The following RANBP10 variants were observed in gnomAD, a reference collection of about 807,000 sequenced individuals.
RANBP10 encodes the protein RAN binding protein 10.
A neutral mutation model predicts 72.8 loss-of-function variants in RANBP10; 24 were observed. The observed-to-expected ratio is 0.33, with a 90% CI of 0.24 to 0.46. The LOEUF (loss-of-function observed/expected upper bound fraction) is 0.46, where lower values mean the gene tolerates loss of function less well. Ranked by LOEUF, RANBP10 falls within the 20% of genes least tolerant of loss-of-function variation. The pLI is 1.00. For synonymous variants in RANBP10, 310 were observed against 322.3 expected (o/e 0.96, Z 0.41); for missense variants, 679 against 817.5 (o/e 0.83, Z 2.07).
intron 5 of RANBP10, 144 bp downstream of exon 5, chr16:67,737,868 TG>T: frequency 9.1e-7 from 1 of 1,104,124 alleles, no homozygotes; most frequent in Non-Finnish European, 1.3e-6. Flanking sequence ...GTGCCCCTCC[TG>T]GTACCCTCAA....
In RANBP10 at chr16:67,732,276, T is replaced by C. The variant is rs577070600; in HGVS notation, c.777-692A>G. 2.6e-5 allele frequency among the ~76,000 whole-genome samples: 4 copies of C among 152,268 alleles called. No individual in the cohort carries two copies. In the East Asian group the frequency reaches 5.8e-4, roughly 22 times the overall value. ...AGCAGGGCCAATGGGAACACAGTCA[T>C]TGGGAAATGGTCTGGAGAAGTCTGA... On this transcript the variant is annotated intron_variant, in intron 6 of 13. Coordinates refer to ENST00000317506, the MANE Select transcript of RANBP10 (RefSeq NM_020850.3).
chr16:67,785,860 AC>A (rs2143016635), intron 2 of RANBP10, among the ~76,000 whole-genome samples: 1 of 151,588 alleles, frequency 6.6e-6, no homozygotes, highest in East Asian at 1.9e-4. Context: ...CCCCGTCTCT[AC>A]TAAAAATACA....
At chr16:67,803,381 T>C (rs568463123) in intron 2 of RANBP10, among the ~76,000 whole-genome samples, 1 of 151,804 alleles carries the variant, frequency 6.6e-6, no homozygotes, top group Non-Finnish European at 1.5e-5. Context: ...CTGGGTGCGG[T>C]GGCCCACACC....
At chr16:67,734,810 G>A (rs1243305497) in intron 6 of RANBP10, 48 bp downstream of exon 6, 3 of 1,492,904 alleles carry the variant, frequency 2.0e-6, no homozygotes, top group Non-Finnish European at 2.7e-6. Flanking sequence ...AGAGTGAAGT[G>A]GGCTGGGGTG....
At chr16:67,789,737 C>T (rs2054988455) in intron 2 of RANBP10, among the ~76,000 whole-genome samples, 1 of 151,774 alleles carries the variant, frequency 6.6e-6, no homozygotes, top group Non-Finnish European at 1.5e-5. Flanking sequence ...TCCCAAAGTG[C>T]TGGGATTACA....
chr16:67,769,443 C>CAAA (rs768960411), intron 3 of RANBP10, among the ~76,000 whole-genome samples: 20 of 30,306 alleles, frequency 6.6e-4, no homozygotes, highest in Non-Finnish European at 8.4e-4. Flanking sequence ...GACCCTGTCT[C>CAAA]AAAAAAAAAA....
intron 3 of RANBP10, among the ~76,000 whole-genome samples, chr16:67,757,090 C>T (rs951792995): frequency 6.6e-6 from 1 of 152,138 alleles, no homozygotes; most frequent in Non-Finnish European, 1.5e-5. Context: ...TGCCTGTAAT[C>T]CCAGCTATTT....
chr16:67,749,095 G>C (rs1365592966), intron 3 of RANBP10, among the ~76,000 whole-genome samples: 1 of 152,180 alleles, frequency 6.6e-6, no homozygotes, highest in African/African-American at 2.4e-5. Flanking sequence ...TGGCCAGGCA[G>C]CAAGCAAAGG....
chr16:67,745,553 T>A (rs1485596295), intron 3 of RANBP10, among the ~76,000 whole-genome samples: 1 of 151,828 alleles, frequency 6.6e-6, no homozygotes, highest in Non-Finnish European at 1.5e-5. Context: ...CAGGCTGGTC[T>A]TGAACTCCTG....
intron 6 of RANBP10, among the ~76,000 whole-genome samples, chr16:67,733,185 C>T (rs1045582541): frequency 6.6e-6 from 1 of 151,386 alleles, no homozygotes; most frequent in Non-Finnish European, 1.5e-5. Flanking sequence ...GGCAACATGG[C>T]GAAACCCTGT....
At position 67,724,120 on chromosome 16, in the gene RANBP10, C is replaced by T. The variant is rs1290055546; in HGVS notation, c.*2308G>A. The T allele has an allele frequency of 6.5e-6, 1 of 152,716 alleles. No homozygotes were observed. Among genetic ancestry groups the T allele is most frequent in the Admixed American group, 6.5e-5 (1 of 15,304 alleles). 9.5% of individuals were successfully genotyped at this position (152,716 alleles called of 1,614,324 possible). ...ACAGCTGTCCCGAGCCCTCCTGGGC[C>T]CTCTCAGCCACTCCACAACCTAAGC... On this transcript the variant is annotated 3_prime_UTR_variant, in exon 14 of 14. Coordinates refer to ENST00000317506, the MANE Select transcript of RANBP10 (RefSeq NM_020850.3).
In RANBP10 at chr16:67,728,524, G is replaced by T; in HGVS notation, c.1353-13C>A. On this transcript the variant is annotated splice_polypyrimidine_tract_variant and intron_variant, in intron 10 of 13. Transcript: ENST00000317506. ...CATCTCACTGTCGCTGTGGGGAGGG[G>T]TTGAGGTGGGAGTTGGCCCAGGGGG... 1 of 1,613,976 alleles carries T rather than the reference G, an allele frequency of 6.2e-7. No homozygotes were observed. The highest frequency in any genetic ancestry group is 8.5e-7 in the Non-Finnish European group (1 of 1,180,006).
intron 12 of RANBP10, 26 bp downstream of exon 12, chr16:67,727,725 T>C (rs1339823832): frequency 6.2e-7 from 1 of 1,614,040 alleles, no homozygotes; most frequent in Non-Finnish European, 8.5e-7. Flanking sequence ...GGGCCTGCTC[T>C]GCATGAGGCC....
chr16:67,802,701 C>A (rs1168671868), intron 2 of RANBP10, among the ~76,000 whole-genome samples: 2 of 152,184 alleles, frequency 1.3e-5, no homozygotes, highest in Non-Finnish European at 2.9e-5. Flanking sequence ...ATGTTTACCA[C>A]ATGTAAAATG....
intron 3 of RANBP10, among the ~76,000 whole-genome samples, chr16:67,770,660 A>C (rs891622302): frequency 1.3e-5 from 2 of 152,154 alleles, no homozygotes; most frequent in African/African-American, 2.4e-5. Flanking sequence ...ACTTAAGACC[A>C]TTTTCTGGAA....
chr16:67,767,627 C>T (rs1422020099), intron 3 of RANBP10, among the ~76,000 whole-genome samples: 4 of 150,294 alleles, frequency 2.7e-5, no homozygotes, highest in African/African-American at 4.9e-5. Context: ...GACGGCGTCT[C>T]GCTCTTTCAC....
intron 2 of RANBP10, among the ~76,000 whole-genome samples, chr16:67,804,727 G>A (rs2055306851): frequency 6.6e-6 from 1 of 151,976 alleles, no homozygotes. Flanking sequence ...CAGGGTTTCA[G>A]CATGTTTGCC....
At chr16:67,742,418 A>G (rs2053986954) in intron 4 of RANBP10, among the ~76,000 whole-genome samples, 1 of 152,256 alleles carries the variant, frequency 6.6e-6, no homozygotes, top group Non-Finnish European at 1.5e-5. Flanking sequence ...GAAGGTGTTG[A>G]CAGGCTGGAA....
chr16:67,798,736 T>A (rs1488503917), intron 2 of RANBP10, among the ~76,000 whole-genome samples: 2 of 152,120 alleles, frequency 1.3e-5, no homozygotes, highest in Non-Finnish European at 2.9e-5. Context: ...AAAACCATGC[T>A]AGAGCCAAAG....
Sources: gnomAD v4.1 joint callset for allele counts (sites outside exome capture counted in the v4.1 genomes callset) on GRCh38, gnomAD v4.1.1 for gene constraint, MANE v1.5 for transcripts, NCBI Gene and HGNC (gene_info 2026-07-23, HGNC 2026-07-21) for gene names.